GALNT18: variants seen among roughly 807,000 people sequenced by gnomAD.
GALNT18 encodes GalNAc-transferase 18.
In GALNT18, 44 loss-of-function variants were observed where a neutral mutation model predicts 69.5. That is an observed-to-expected ratio of 0.63 (90% confidence interval 0.50 to 0.81). The LOEUF is 0.81. Ranked by LOEUF, GALNT18 falls within the 40% of genes least tolerant of loss-of-function variation. The pLI, the probability that GALNT18 is intolerant of heterozygous loss-of-function variation, is 0.00. For synonymous variants in GALNT18, 364 were observed against 318.2 expected (o/e 1.14, Z -1.53); for missense variants, 715 against 810.0 (o/e 0.88, Z 1.42).
intron 1 of GALNT18, among the ~76,000 whole-genome samples, chr11:11,457,533 T>C (rs1043562190): frequency 6.6e-6 from 1 of 152,154 alleles, no homozygotes; most frequent in African/African-American, 2.4e-5. Flanking sequence ...GTCAAAGTGG[T>C]TTAGGGCTCC....
At chr11:11,302,394 C>T (rs1170000254) in intron 9 of GALNT18, among the ~76,000 whole-genome samples, 1 of 152,160 alleles carries the variant, frequency 6.6e-6, no homozygotes, top group African/African-American at 2.4e-5. Flanking sequence ...CTTGCAAACT[C>T]TCCTGATCTA....
At position 11,598,408 on chromosome 11, in the gene GALNT18, T is replaced by C. The variant is rs1306519082; in HGVS notation, c.235+22951A>G. Among the ~76,000 whole-genome samples the C allele has an allele frequency of 2.6e-5, 4 of 152,162 alleles. No individual in the cohort carries two copies. The highest frequency in any genetic ancestry group is 5.9e-5 in the Non-Finnish European group (4 of 68,016). ...AGAGGAGAATCTGTTCCTTGCTTCTTCCAGCTCCTGGTAGCTGCCAGCATT... is the reference window on the plus strand; with the variant it reads ...AGAGGAGAATCTGTTCCTTGCTTCTCCCAGCTCCTGGTAGCTGCCAGCATT... On this transcript the variant is annotated intron_variant, in intron 1 of 10. Coordinates refer to ENST00000227756, the MANE Select transcript of GALNT18 (RefSeq NM_198516.3). The surrounding 1 kb of genome is among the most constrained non-coding windows in gnomAD (Gnocchi z 4.8).
At chr11:11,499,725 G>T (rs1424118711) in intron 1 of GALNT18, among the ~76,000 whole-genome samples, 1 of 152,152 alleles carries the variant, frequency 6.6e-6, no homozygotes, top group Non-Finnish European at 1.5e-5. Context: ...TGCTCTACAT[G>T]GTGCCCTAGC....
intron 6 of GALNT18, chr11:11,351,980 C>T (rs767876882): frequency 2.5e-6 from 4 of 1,609,682 alleles, no homozygotes; most frequent in Non-Finnish European, 3.4e-6. Context: ...GAACAGGCAT[C>T]CCAAGGGGGT....
At position 11,546,848 on chromosome 11, in the gene GALNT18, T is replaced by TGTGG. The variant is rs1858064532; in HGVS notation, c.235+74507_235+74510dup. 6.6e-6 allele frequency among the ~76,000 whole-genome samples: 1 copy of TGTGG among 150,402 alleles called. No individual in the cohort carries two copies. Among genetic ancestry groups the TGTGG allele is most frequent in the Non-Finnish European group, 1.5e-5 (1 of 67,692 alleles). On this transcript the variant is annotated intron_variant, in intron 1 of 10. Transcript: ENST00000227756. The surrounding 1 kb of genome is among the most constrained non-coding windows in gnomAD (Gnocchi z 5.8). ...GATGGATGGATGGGTGGGTTGGGTG[T>TGTGG]GTGGGTGGGCAGATGAGTAAGTGGG...
At chr11:11,278,450 A>C (rs1290188386) in intron 10 of GALNT18, among the ~76,000 whole-genome samples, 1 of 151,932 alleles carries the variant, frequency 6.6e-6, no homozygotes, top group Non-Finnish European at 1.5e-5. Context: ...CCACCATGGC[A>C]CGTGTATACC....
intron 3 of GALNT18, among the ~76,000 whole-genome samples, chr11:11,414,037 C>G (rs1052047909): frequency 6.6e-6 from 1 of 152,204 alleles, no homozygotes; most frequent in Non-Finnish European, 1.5e-5. Context: ...GAAACCTGAG[C>G]TGCATCTTCC....
intron 1 of GALNT18, among the ~76,000 whole-genome samples, chr11:11,537,393 T>C (rs1590081478): frequency 6.6e-6 from 1 of 152,324 alleles, no homozygotes; most frequent in Non-Finnish European, 1.5e-5. Context: ...CCATAATTCT[T>C]TGGAGAATTT....
Position 11,415,429 on chromosome 11 carries a change from T to G in GALNT18, c.595+17192A>C, listed in dbSNP as rs1854833634. ...TAACGTGTCCTTGTAGCCACCTACT[T>G]GTATAATAAGTAGGTCCTCCAAGTT... On this transcript the variant is annotated intron_variant, in intron 3 of 10. Transcript: ENST00000227756. The surrounding 1 kb of genome is among the most constrained non-coding windows in gnomAD (Gnocchi z 4.1). 1.3e-5 allele frequency among the ~76,000 whole-genome samples: 2 copies of G among 152,104 alleles called. No individual in the cohort carries two copies. Among genetic ancestry groups the G allele is most frequent in the African/African-American group, 4.8e-5 (2 of 41,404 alleles).
chr11:11,584,583 T>C lies in GALNT18; in HGVS notation c.235+36776A>G, dbSNP rs1216894337. 6.6e-6 allele frequency among the ~76,000 whole-genome samples: 1 copy of C among 152,078 alleles called. No homozygotes were observed. Reference sequence around the variant, plus strand: ...CACCCACAGAGAGCCGTTTGCCCCTTGAGATTCCTGAGGAGTGTGGAGAGC... The same window carrying C: ...CACCCACAGAGAGCCGTTTGCCCCTCGAGATTCCTGAGGAGTGTGGAGAGC... On this transcript the variant is annotated intron_variant, in intron 1 of 10. Coordinates refer to ENST00000227756, the MANE Select transcript of GALNT18 (RefSeq NM_198516.3). This position sits in a 1 kb window ranked among gnomAD's most constrained non-coding sequence, Gnocchi z 4.1.
At chr11:11,450,322 C>T (rs1855764592) in intron 1 of GALNT18, among the ~76,000 whole-genome samples, 1 of 152,192 alleles carries the variant, frequency 6.6e-6, no homozygotes, top group Admixed American at 6.5e-5. Context: ...GTCTTCAAGG[C>T]TGGAGTGCTG....
chr11:11,504,372 G>C (rs1857029189), intron 1 of GALNT18, among the ~76,000 whole-genome samples: 3 of 152,000 alleles, frequency 2.0e-5, no homozygotes, highest in Admixed American at 6.6e-5. Flanking sequence ...CTGACTCCCT[G>C]AAGTTCTAGT....
Position 11,617,615 on chromosome 11 carries a change from T to C in GALNT18, c.235+3744A>G, listed in dbSNP as rs1414734974. Among the ~76,000 whole-genome samples the C allele has an allele frequency of 6.6e-6, 1 of 152,220 alleles. No individual in the cohort carries two copies. Among genetic ancestry groups the C allele is most frequent in the Non-Finnish European group, 1.5e-5 (1 of 68,036 alleles). On this transcript the variant is annotated intron_variant, in intron 1 of 10. Coordinates refer to ENST00000227756, the MANE Select transcript of GALNT18 (RefSeq NM_198516.3). This position sits in a 1 kb window ranked among gnomAD's most constrained non-coding sequence, Gnocchi z 4.7. The stretch of plus-strand genomic sequence containing the variant: ...AGGAAATGCTCAAAATGCAAACTGA[T>C]TTTTAGGGTAGAATGAATTATGGGC...
rs568639124 is a variant in GALNT18, at chr11:11,491,909, C to T, written c.236-42973G>A. 9.9e-5 allele frequency among the ~76,000 whole-genome samples: 15 copies of T among 152,234 alleles called. 1 individual carries two copies. In the East Asian group the frequency reaches 2.5e-3, roughly 25 times the overall value. ...GAGCCCAAGGAACAAAGAAAGCCTACCCATTACAGGAGATTCAGATGGACA... is the reference window on the plus strand; with the variant it reads ...GAGCCCAAGGAACAAAGAAAGCCTATCCATTACAGGAGATTCAGATGGACA... On this transcript the variant is annotated intron_variant, in intron 1 of 10. Coordinates refer to ENST00000227756, the MANE Select transcript of GALNT18 (RefSeq NM_198516.3).
intron 9 of GALNT18, among the ~76,000 whole-genome samples, chr11:11,308,600 C>T (rs1230972791): frequency 6.6e-6 from 1 of 152,156 alleles, no homozygotes; most frequent in Non-Finnish European, 1.5e-5. Flanking sequence ...TTTGAATCTG[C>T]TGAGTCTCTA....
Position 11,339,326 on chromosome 11 carries a change from G to T in GALNT18, c.1278+1493C>A, listed in dbSNP as rs1850162305. 6.6e-6 allele frequency among the ~76,000 whole-genome samples: 1 copy of T among 152,086 alleles called. No individual in the cohort carries two copies. Among genetic ancestry groups the T allele is most frequent in the Non-Finnish European group, 1.5e-5 (1 of 68,034 alleles). On this transcript the variant is annotated intron_variant, in intron 7 of 10. Coordinates refer to ENST00000227756, the MANE Select transcript of GALNT18 (RefSeq NM_198516.3). This position sits in a 1 kb window ranked among gnomAD's most constrained non-coding sequence, Gnocchi z 5.2. ...TTTTTCAATTATTTTCACTCACTCA[G>T]TTCTCTACCATTCATTGGGTTGCTG...
At chr11:11,292,557 G>A (rs1849320335) in intron 10 of GALNT18, among the ~76,000 whole-genome samples, 1 of 152,172 alleles carries the variant, frequency 6.6e-6, no homozygotes, top group Admixed American at 6.5e-5. Flanking sequence ...AGAGGGGGTT[G>A]CAGATCAGAG....
chr11:11,461,200 G>C lies in GALNT18; in HGVS notation c.236-12264C>G, dbSNP rs546008072. ...CACTCCTGACGGGCTGGCACTGCTG[G>C]GTCTTTCCTCCCCTGCAAGGGGGAC... On this transcript the variant is annotated intron_variant, in intron 1 of 10. Transcript: ENST00000227756. The surrounding 1 kb of genome is among the most constrained non-coding windows in gnomAD (Gnocchi z 4.1). Among the ~76,000 whole-genome samples the C allele has an allele frequency of 6.6e-6, 1 of 152,296 alleles. No homozygotes were observed. The highest frequency in any genetic ancestry group is 2.1e-4 in the South Asian group (1 of 4,822).
chr11:11,618,783 T>C lies in GALNT18; in HGVS notation c.235+2576A>G, dbSNP rs1352671649. Among the ~76,000 whole-genome samples, 2 of 152,192 alleles carry C rather than the reference T, an allele frequency of 1.3e-5. No individual in the cohort carries two copies. Among genetic ancestry groups the C allele is most frequent in the East Asian group, 3.8e-4 (2 of 5,204 alleles). ...TAAATAAGTCAATATATGTAAAGTG[T>C]TTAGAATAGGGCCTGACATATCCTA... On this transcript the variant is annotated intron_variant, in intron 1 of 10. Transcript: ENST00000227756. The surrounding 1 kb of genome is among the most constrained non-coding windows in gnomAD (Gnocchi z 6.1).
Sources: allele counts gnomAD v4.1 joint callset (sites outside exome capture counted in the v4.1 genomes callset), GRCh38; gene constraint gnomAD v4.1.1; non-coding constraint Gnocchi (gnomAD v3.1); transcripts MANE v1.5; gene names NCBI Gene and HGNC (gene_info 2026-07-23, HGNC 2026-07-21).